NOSTRIN: variants seen among roughly 807,000 people sequenced by gnomAD.
NOSTRIN encodes the protein BM247 homolog.
Under a neutral mutation model 59.0 loss-of-function variants are expected in NOSTRIN, and 63 were observed. The ratio of observed to expected loss-of-function variants is 1.07; its 90% CI spans 0.87 to 1.32. The LOEUF (loss-of-function observed/expected upper bound fraction) is 1.32, where lower values mean the gene tolerates loss of function less well. Among genes scored for constraint, NOSTRIN ranks in the 40% most tolerant of loss-of-function variants. The pLI is 0.00. For synonymous variants in NOSTRIN, 200 were observed against 165.4 expected (o/e 1.21, Z -1.61); for missense variants, 512 against 473.1 (o/e 1.08, Z -0.76).
chr2:168,862,926 AC>A (rs1689559136), intron 15 of NOSTRIN, among the ~76,000 whole-genome samples: 1 of 152,198 alleles, frequency 6.6e-6, no homozygotes, highest in Non-Finnish European at 1.5e-5. Flanking sequence ...TTGTAGCCAA[AC>A]GACAGGGACA....
chr2:168,796,426 T>C (rs1685481797), upstream of NOSTRIN, among the ~76,000 whole-genome samples: 3 of 152,238 alleles, frequency 2.0e-5, no homozygotes, highest in Non-Finnish European at 4.4e-5. Context: ...TCCTGCTCAC[T>C]TGGTCTTCAA....
chr2:168,860,932 T>C, intron 14 of NOSTRIN, 23 bp downstream of exon 14: 1 of 1,532,332 alleles, frequency 6.5e-7, no homozygotes, highest in Non-Finnish European at 9.0e-7. Flanking sequence ...CCACAATCAT[T>C]TTGGCCTGGG....
At chr2:168,797,297 A>G (rs569294779), upstream of NOSTRIN, among the ~76,000 whole-genome samples, 1 of 151,858 alleles carries the variant, frequency 6.6e-6, no homozygotes, top group African/African-American at 2.4e-5. Flanking sequence ...GGGTTTTACC[A>G]TGTTGCCCAG....
At chr2:168,820,087 GC>G (rs1686644134) in intron 2 of NOSTRIN, among the ~76,000 whole-genome samples, 1 of 152,184 alleles carries the variant, frequency 6.6e-6, no homozygotes, top group Non-Finnish European at 1.5e-5. Flanking sequence ...ATTTTTGAAA[GC>G]CCTTTTGTTC....
intron 7 of NOSTRIN, among the ~76,000 whole-genome samples, chr2:168,836,599 C>G (rs79894654): frequency 0.015 from 2,321 of 152,262 alleles, 48 homozygotes; most frequent in African/African-American, 0.05. Flanking sequence ...GCTCAGCAGT[C>G]TTGATTCCCA....
chr2:168,823,294 G>A (rs370537033), intron 2 of NOSTRIN, among the ~76,000 whole-genome samples: 46 of 152,330 alleles, frequency 3.0e-4, no homozygotes, highest in African/African-American at 1.1e-3. Flanking sequence ...AGGATTACAG[G>A]CGTGAGCCAC....
chr2:168,851,355 C>A lies in NOSTRIN; in HGVS notation c.806C>A (p.Ala269Glu). The A allele has an allele frequency of 1.2e-6, 2 of 1,613,296 alleles. No homozygotes were observed. The highest frequency in any genetic ancestry group is 2.2e-5 in the South Asian group (2 of 90,742). ...KDIQAVMEET[A>E]ILSTENKSEF... Reference sequence around the variant, plus strand: ...ATCCAGGCTGTAATGGAAGAAACTGCAATTTTATCTACAGAAAACAAATCT... The same window carrying A: ...ATCCAGGCTGTAATGGAAGAAACTGAAATTTTATCTACAGAAAACAAATCT... Residue 269 changes from alanine (A) to glutamate (E), a missense_variant, in exon 10 of 16, where the codon GCA becomes GAA. Physicochemically the swap from Ala to Glu is moderately radical, Grantham distance 107. Coordinates refer to ENST00000317647, the MANE Select transcript of NOSTRIN (RefSeq NM_001039724.4).
At chr2:168,858,112 T>G (rs1689232377) in intron 12 of NOSTRIN, among the ~76,000 whole-genome samples, 1 of 152,258 alleles carries the variant, frequency 6.6e-6, no homozygotes, top group Admixed American at 6.5e-5. Flanking sequence ...CATTGGGTTA[T>G]ACATCTATTC....
At chr2:168,814,640 G>A (rs1327916613) in intron 2 of NOSTRIN, among the ~76,000 whole-genome samples, 2 of 152,178 alleles carry the variant, frequency 1.3e-5, no homozygotes, top group Admixed American at 6.5e-5. Flanking sequence ...TCCATTGAGG[G>A]TTATGACAGA....
At chr2:168,807,230 T>G (rs1685900280) in intron 1 of NOSTRIN, among the ~76,000 whole-genome samples, 1 of 151,922 alleles carries the variant, frequency 6.6e-6, no homozygotes, top group African/African-American at 2.4e-5. Flanking sequence ...ACAAAGCAGG[T>G]AAGTTCCAAG....
At chr2:168,825,035 A>G (rs149567517) in intron 3 of NOSTRIN, among the ~76,000 whole-genome samples, 1 of 152,214 alleles carries the variant, frequency 6.6e-6, no homozygotes, top group African/African-American at 2.4e-5. Flanking sequence ...CTGGGATTAC[A>G]TGTGTGAGCC....
chr2:168,859,430 T>C lies in NOSTRIN; in HGVS notation c.1054-82T>C, dbSNP rs997840024. 8 of 1,564,566 alleles carry C rather than the reference T, an allele frequency of 5.1e-6. No individual in the cohort carries two copies. In the African/African-American group the frequency reaches 1.1e-4, roughly 21 times the overall value. ...GCGTACTTTTCTAACCTTTGTTATT[T>C]TGAAAGTTATTCTGATATTCCTATC... On this transcript the variant is annotated intron_variant, in intron 12 of 15. Transcript: ENST00000317647.
At chr2:168,854,229 C>G (rs1384809487) in intron 10 of NOSTRIN, among the ~76,000 whole-genome samples, 1 of 152,184 alleles carries the variant, frequency 6.6e-6, no homozygotes, top group Non-Finnish European at 1.5e-5. Flanking sequence ...ATATTTTTAT[C>G]TGTATATGTT....
chr2:168,796,914 GC>G (rs1279975888), upstream of NOSTRIN, among the ~76,000 whole-genome samples: 1 of 152,078 alleles, frequency 6.6e-6, no homozygotes, highest in Non-Finnish European at 1.5e-5. Flanking sequence ...AGAGAAACTT[GC>G]GAATGAAGTC....
At chr2:168,855,257 A>T in intron 10 of NOSTRIN, 95 bp from the exon 11 acceptor site, 1 of 565,142 alleles carries the variant, frequency 1.8e-6, no homozygotes, top group Non-Finnish European at 3.0e-6. Context: ...TTATAAAGTT[A>T]AAATTAAATG....
At chr2:168,792,344 C>A (rs952711635) in intron 2 of NOSTRIN, among the ~76,000 whole-genome samples, 10 of 152,020 alleles carry the variant, frequency 6.6e-5, no homozygotes, top group Non-Finnish European at 1.3e-4. Flanking sequence ...AATAAAACTT[C>A]TTGAGAATTC....
chr2:168,813,475 C>G (rs1306162638), intron 2 of NOSTRIN, among the ~76,000 whole-genome samples: 1 of 152,090 alleles, frequency 6.6e-6, no homozygotes, highest in Admixed American at 6.6e-5. Context: ...CATATCCCCA[C>G]CTTGCCACCG....
At chr2:168,850,472 C>T (rs1437376350) in intron 8 of NOSTRIN, among the ~76,000 whole-genome samples, 1 of 152,162 alleles carries the variant, frequency 6.6e-6, no homozygotes, top group Non-Finnish European at 1.5e-5. Flanking sequence ...TCATTCTCTT[C>T]CCTGCAGACT....
chr2:168,816,273 G>C (rs148046535), intron 2 of NOSTRIN, among the ~76,000 whole-genome samples: 27 of 152,098 alleles, frequency 1.8e-4, no homozygotes, highest in Admixed American at 6.6e-5. Context: ...TCTTTAACGC[G>C]CCTTTCACTC....
Sources: allele counts gnomAD v4.1 joint callset (sites outside exome capture counted in the v4.1 genomes callset), GRCh38; gene constraint gnomAD v4.1.1; transcripts MANE v1.5; gene names NCBI Gene and HGNC (gene_info 2026-07-23, HGNC 2026-07-21).